PRKN: variants seen among roughly 807,000 people sequenced by gnomAD.
The protein encoded by PRKN is E3 ubiquitin-protein ligase parkin.
In PRKN, 56 loss-of-function variants were observed where a neutral mutation model predicts 59.5. The observed-to-expected ratio is 0.94, with a 90% CI of 0.76 to 1.18. The LOEUF is 1.18. Ranked by LOEUF, PRKN falls within the 50% of genes most tolerant of loss-of-function variation. The probability of loss-of-function intolerance (pLI) is 0.00; values close to 1 mark genes in which losing one functional copy is unlikely to be tolerated. For synonymous variants in PRKN, 250 were observed against 222.1 expected, an observed-to-expected ratio of 1.13 and a Z score of -1.12; for missense variants, 657 against 596.4, an observed-to-expected ratio of 1.10 and a Z score of -1.06.
intron 7 of PRKN, among the ~76,000 whole-genome samples, chr6:161,679,116 T>C (rs868191257): frequency 5.3e-5 from 8 of 152,296 alleles, no homozygotes; most frequent in African/African-American, 1.9e-4. Context: ...CGGCACATCA[T>C]GAGCAGTCAC....
intron 4 of PRKN, among the ~76,000 whole-genome samples, chr6:162,149,730 C>G (rs1782181675): frequency 6.6e-6 from 1 of 152,092 alleles, no homozygotes; most frequent in Admixed American, 6.6e-5. Context: ...ATAACCCGAT[C>G]CTTGGGCTAG....
chr6:161,432,633 C>T (rs1418269526), intron 9 of PRKN, among the ~76,000 whole-genome samples: 3 of 150,876 alleles, frequency 2.0e-5, no homozygotes, highest in Admixed American at 6.6e-5. Context: ...CTGCCCACCT[C>T]GGCCTCCCAA....
At position 161,378,806 on chromosome 6, in the gene PRKN, T is replaced by C. The variant is rs992759450; in HGVS notation, c.1167+7988A>G. 3.3e-5 allele frequency among the ~76,000 whole-genome samples: 5 copies of C among 152,106 alleles called. No individual in the cohort carries two copies. Among genetic ancestry groups the C allele is most frequent in the African/African-American group, 7.2e-5 (3 of 41,422 alleles). ...CACTCTGAATCAACAACTACCATGG[T>C]GCAGGGTGTGTCTCCAGCAGGTAGA... On this transcript the variant is annotated intron_variant, in intron 10 of 11. Transcript: ENST00000366898. This position sits in a 1 kb window ranked among gnomAD's most constrained non-coding sequence, Gnocchi z 7.3.
At chr6:162,373,181 C>A (rs990786677) in intron 2 of PRKN, among the ~76,000 whole-genome samples, 3 of 152,154 alleles carry the variant, frequency 2.0e-5, no homozygotes, top group African/African-American at 7.2e-5. Context: ...CGATGTGTAA[C>A]TAGTAATATA....
chr6:162,345,527 C>T (rs1784358636), intron 2 of PRKN, among the ~76,000 whole-genome samples: 1 of 152,152 alleles, frequency 6.6e-6, no homozygotes, highest in Admixed American at 6.5e-5. Context: ...CTTTACTTAA[C>T]CTCTAGCAAT....
At chr6:162,718,381 A>T (rs1778805743) in intron 1 of PRKN, among the ~76,000 whole-genome samples, 1 of 152,108 alleles carries the variant, frequency 6.6e-6, no homozygotes, top group African/African-American at 2.4e-5. Flanking sequence ...GTCTTGATCC[A>T]ATATGAAAGT....
At position 162,063,183 on chromosome 6, in the gene PRKN, C is replaced by T. The variant is rs554095364; in HGVS notation, c.535-9009G>A. ...AAAATATGACTATGCAAGCCACAGA[C>T]TTGGGAAAATATTAGTAATACATAT... On this transcript the variant is annotated intron_variant, in intron 4 of 11. Coordinates refer to ENST00000366898, the MANE Select transcript of PRKN (RefSeq NM_004562.3). 1.2e-4 allele frequency among the ~76,000 whole-genome samples: 18 copies of T among 152,160 alleles called. No homozygotes were observed. In the South Asian group the frequency reaches 3.7e-3, roughly 32 times the overall value.
intron 7 of PRKN, among the ~76,000 whole-genome samples, chr6:161,679,684 C>CCCCTT (rs531559048): frequency 1.2e-5 from 1 of 84,896 alleles, no homozygotes; most frequent in Non-Finnish European, 2.4e-5. Context: ...ACCCCCCCCC[C>CCCCTT]TTTTTTTTTT....
At chr6:161,825,575 C>G (rs1792209757) in intron 6 of PRKN, among the ~76,000 whole-genome samples, 1 of 152,164 alleles carries the variant, frequency 6.6e-6, no homozygotes, top group Non-Finnish European at 1.5e-5. Context: ...CGGCCCTCAT[C>G]CCCACTCAAG....
intron 2 of PRKN, among the ~76,000 whole-genome samples, chr6:162,311,371 A>C (rs954078338): frequency 2.0e-5 from 3 of 152,160 alleles, no homozygotes; most frequent in Admixed American, 1.3e-4. Context: ...TCTGAAAATC[A>C]GAAACATAGC....
intron 4 of PRKN, among the ~76,000 whole-genome samples, chr6:162,164,743 T>C (rs1414798183): frequency 6.7e-6 from 1 of 149,176 alleles, no homozygotes; most frequent in African/African-American, 2.5e-5. Flanking sequence ...AAATTTTCTT[T>C]TATTTTTTAA....
intron 2 of PRKN, among the ~76,000 whole-genome samples, chr6:162,263,106 G>A (rs1372765443): frequency 1.3e-5 from 2 of 152,086 alleles, no homozygotes; most frequent in South Asian, 4.1e-4. Flanking sequence ...CCAAGACAGA[G>A]TCTCACTCTG....
intron 9 of PRKN, among the ~76,000 whole-genome samples, chr6:161,510,803 T>C (rs1000337819): frequency 1.3e-5 from 2 of 152,302 alleles, no homozygotes; most frequent in African/African-American, 4.8e-5. Flanking sequence ...CCTTTATCAT[T>C]TGAATGAAAT....
chr6:162,630,184 T>C (rs1462534925), intron 1 of PRKN, among the ~76,000 whole-genome samples: 2 of 152,136 alleles, frequency 1.3e-5, no homozygotes, highest in Non-Finnish European at 2.9e-5. Context: ...TAATAGTGTA[T>C]AAAAGCCAAA....
At chr6:162,262,818 T>C (rs1443948119) in intron 2 of PRKN, 53 bp from the exon 3 acceptor site, 1 of 1,581,842 alleles carries the variant, frequency 6.3e-7, no homozygotes, top group Non-Finnish European at 8.5e-7. Context: ...ATGTCAAACA[T>C]GAAATGCGAG....
chr6:162,174,390 C>A (rs1000118074), intron 4 of PRKN, among the ~76,000 whole-genome samples: 1 of 152,212 alleles, frequency 6.6e-6, no homozygotes, highest in Non-Finnish European at 1.5e-5. Flanking sequence ...CTCAACCACA[C>A]AAACTCATGC....
At chr6:162,701,364 A>T (rs1359096741) in intron 1 of PRKN, among the ~76,000 whole-genome samples, 1 of 152,112 alleles carries the variant, frequency 6.6e-6, no homozygotes, top group East Asian at 1.9e-4. Flanking sequence ...TAATTAAGAT[A>T]ATCAATTCCA....
At chr6:162,432,946 T>C (rs1183475570) in intron 2 of PRKN, among the ~76,000 whole-genome samples, 1 of 152,166 alleles carries the variant, frequency 6.6e-6, no homozygotes, top group African/African-American at 2.4e-5. Flanking sequence ...GAATAGAATA[T>C]AGTATTTTCT....
intron 6 of PRKN, among the ~76,000 whole-genome samples, chr6:161,971,997 G>A (rs1049256344): frequency 6.6e-6 from 1 of 152,238 alleles, no homozygotes; most frequent in Non-Finnish European, 1.5e-5. Flanking sequence ...TTCTGGGCTG[G>A]GTGCGGCAGC....
Sources: gnomAD v4.1 joint callset for allele counts (sites outside exome capture counted in the v4.1 genomes callset) on GRCh38, gnomAD v4.1.1 for gene constraint, Gnocchi (gnomAD v3.1) non-coding constraint, MANE v1.5 for transcripts, NCBI Gene and HGNC (gene_info 2026-07-23, HGNC 2026-07-21) for gene names.